The following ERI3 variants were observed in gnomAD, a reference collection of about 807,000 sequenced individuals.
The protein encoded by ERI3 is ERI1 exoribonuclease family member 3, also known as ERI1 exoribonuclease 3.
ERI3 carries 18 observed loss-of-function variants against 44.4 expected under a neutral mutation model. The ratio of observed to expected loss-of-function variants is 0.41; its 90% CI spans 0.28 to 0.60. The LOEUF (loss-of-function observed/expected upper bound fraction) is 0.60. ERI3 is among the 20% of genes least tolerant of loss of function. ERI3 has a pLI of 0.36. For missense variants in ERI3, 294 were observed against 435.5 expected, an observed-to-expected ratio of 0.68 and a Z score of 2.89; for synonymous variants, 183 against 164.8, an observed-to-expected ratio of 1.11 and a Z score of -0.84.
intron 7 of ERI3, among the ~76,000 whole-genome samples, chr1:44,269,480 A>C (rs1478599568): frequency 6.6e-6 from 1 of 152,224 alleles, no homozygotes; most frequent in African/African-American, 2.4e-5. Context: ...GCCCGTGCAC[A>C]CATAAGAATA....
At chr1:44,306,847 C>A (rs1645846229) in intron 6 of ERI3, among the ~76,000 whole-genome samples, 1 of 152,212 alleles carries the variant, frequency 6.6e-6, no homozygotes. Flanking sequence ...CCTCCTGGGC[C>A]ATATGAACCC....
Position 44,339,245 on chromosome 1 carries a change from T to G in ERI3, c.289A>C (p.Arg97=). The part of the protein sequence containing the change: ...AARFSSYLLS[R]ARKVLGSHLF... ...TGGGAGCCCAGCACTTTTCTTGCTC[T>G]TGAAAGTAAATACGAAGAAAATCGA... Residue 97 remains arginine (R), a synonymous_variant, in exon 3 of 9, where the codon AGA becomes CGA. Coordinates refer to ENST00000372257, the MANE Select transcript of ERI3 (RefSeq NM_024066.3). The G allele has an allele frequency of 6.2e-7, 1 of 1,613,086 alleles. No homozygotes were observed. The highest frequency in any genetic ancestry group is 1.7e-4 in the Middle Eastern group (1 of 6,026).
chr1:44,282,897 G>T (rs557174534), intron 7 of ERI3, among the ~76,000 whole-genome samples: 7 of 152,290 alleles, frequency 4.6e-5, no homozygotes, highest in African/African-American at 1.7e-4. Context: ...ACTCTGGGCA[G>T]CCTGCCTTTA....
At chr1:44,277,016 T>A (rs1645192602) in intron 7 of ERI3, among the ~76,000 whole-genome samples, 1 of 152,246 alleles carries the variant, frequency 6.6e-6, no homozygotes, top group African/African-American at 2.4e-5. Context: ...TCAAGTCAGC[T>A]CACACATCTA....
chr1:44,249,720 G>A (rs1370756118), intron 7 of ERI3, among the ~76,000 whole-genome samples: 1 of 152,150 alleles, frequency 6.6e-6, no homozygotes, highest in Non-Finnish European at 1.5e-5. Context: ...GGGCAGAGCT[G>A]GGATGGAGGC....
intron 8 of ERI3, among the ~76,000 whole-genome samples, chr1:44,234,106 G>C (rs1644250641): frequency 6.6e-6 from 1 of 152,092 alleles, no homozygotes; most frequent in African/African-American, 2.4e-5. Context: ...ATGTTGCTCA[G>C]AACTGTCATT....
At chr1:44,283,946 C>T (rs1645339770) in intron 7 of ERI3, 1 of 467,270 alleles carries the variant, frequency 2.1e-6, no homozygotes, top group East Asian at 7.0e-5. Flanking sequence ...CCTCACCCCC[C>T]TTGACCTCTC....
In ERI3 at chr1:44,315,975, GA is replaced by G. The variant is rs1646079136; in HGVS notation, c.607-2748del. On this transcript the variant is annotated intron_variant, in intron 4 of 8. Coordinates refer to ENST00000372257, the MANE Select transcript of ERI3 (RefSeq NM_024066.3). ...GAGACCAGCTTATGCAACATAGAGA[GA>G]CCCCATCTTTTTTTTTTTTTTTTAA... Among the ~76,000 whole-genome samples, 3 of 122,520 alleles carry G rather than the reference GA, an allele frequency of 2.4e-5. No individual in the cohort carries two copies. In the South Asian group the frequency reaches 9.7e-4, roughly 39 times the overall value. The allele number at this position is 122,520 out of a possible 152,430, so 80.4% of individuals were successfully genotyped here.
chr1:44,268,948 T>A (rs771495669), intron 7 of ERI3, among the ~76,000 whole-genome samples: 1 of 152,108 alleles, frequency 6.6e-6, no homozygotes, highest in Non-Finnish European at 1.5e-5. Flanking sequence ...CAGCCCAAAA[T>A]GTGACAAGTG....
chr1:44,255,097 T>G (rs986157917), intron 7 of ERI3, among the ~76,000 whole-genome samples: 1 of 152,218 alleles, frequency 6.6e-6, no homozygotes, highest in Non-Finnish European at 1.5e-5. Context: ...TGTAAAGTGC[T>G]TAAAACACTG....
At chr1:44,334,557 T>C (rs551165484) in intron 3 of ERI3, among the ~76,000 whole-genome samples, 1 of 152,328 alleles carries the variant, frequency 6.6e-6, no homozygotes, top group East Asian at 1.9e-4. Context: ...TTAAACCATC[T>C]AAATTACATT....
At position 44,253,581 on chromosome 1, in the gene ERI3, C is replaced by G. The variant is rs144210562; in HGVS notation, c.832-5543G>C. Reference sequence around the variant, plus strand: ...CACATGTTCTTCTTTCACTGTGACTCTGACATACCTACCATCAAGACTAAG... The same window carrying G: ...CACATGTTCTTCTTTCACTGTGACTGTGACATACCTACCATCAAGACTAAG... On this transcript the variant is annotated intron_variant, in intron 7 of 8. Coordinates refer to ENST00000372257, the MANE Select transcript of ERI3 (RefSeq NM_024066.3). Among the ~76,000 whole-genome samples the G allele has an allele frequency of 1.6e-4, 25 of 152,346 alleles. 1 individual carries two copies. The East Asian group carries it at 4.6e-3, about 28-fold the overall frequency.
At chr1:44,339,010 C>T (rs372080880) in intron 3 of ERI3, 35 bp downstream of exon 3, 52 of 1,601,154 alleles carry the variant, frequency 3.2e-5, no homozygotes, top group Non-Finnish European at 4.3e-5. Context: ...TCCTTGCCCC[C>T]CCCACCTTTT....
At chr1:44,326,480 A>C (rs896412152) in intron 3 of ERI3, among the ~76,000 whole-genome samples, 3 of 152,238 alleles carry the variant, frequency 2.0e-5, no homozygotes, top group Non-Finnish European at 4.4e-5. Context: ...TTTGATTTAC[A>C]CCACAGTCTG....
intron 4 of ERI3, among the ~76,000 whole-genome samples, chr1:44,314,157 G>A (rs1027325436): frequency 6.6e-6 from 1 of 151,442 alleles, no homozygotes; most frequent in African/African-American, 2.4e-5. Context: ...GTGTGTTGGG[G>A]GGGGGGAGAT....
chr1:44,322,959 G>A (rs761309242), intron 3 of ERI3: 26 of 1,405,594 alleles, frequency 1.8e-5, no homozygotes, highest in Non-Finnish European at 2.4e-5. Flanking sequence ...TTGTGACAAT[G>A]TGCCCAAGTG....
intron 7 of ERI3, among the ~76,000 whole-genome samples, chr1:44,275,795 T>G (rs1218448403): frequency 6.6e-6 from 1 of 152,194 alleles, no homozygotes; most frequent in Non-Finnish European, 1.5e-5. Flanking sequence ...GAGCCCTGTC[T>G]GCCAGGACTG....
intron 3 of ERI3, among the ~76,000 whole-genome samples, chr1:44,329,935 T>C (rs1300174401): frequency 6.6e-6 from 1 of 152,212 alleles, no homozygotes; most frequent in Non-Finnish European, 1.5e-5. Context: ...TCAAGCCTGT[T>C]TCCTTCCTAG....
intron 4 of ERI3, among the ~76,000 whole-genome samples, chr1:44,319,355 T>C (rs1646153519): frequency 6.6e-6 from 1 of 152,172 alleles, no homozygotes; most frequent in Admixed American, 6.5e-5. Flanking sequence ...ACCCCAGAAA[T>C]GCCATTCTGC....
Sources: gnomAD v4.1 joint callset for allele counts (sites outside exome capture counted in the v4.1 genomes callset) on GRCh38, gnomAD v4.1.1 for gene constraint, MANE v1.5 for transcripts, NCBI Gene and HGNC (gene_info 2026-07-23, HGNC 2026-07-21) for gene names.